The following ELMOD1 variants were observed in gnomAD, a reference collection of about 807,000 sequenced individuals.
ELMOD1 encodes the protein ELMO domain-containing protein 1.
ELMOD1 carries 21 observed loss-of-function variants against 46.7 expected under a neutral mutation model. The observed-to-expected ratio is 0.45, with a 90% confidence interval of 0.32 to 0.65. The LOEUF (loss-of-function observed/expected upper bound fraction) is 0.65, where lower values mean the gene tolerates loss of function less well. ELMOD1 is among the 30% of genes least tolerant of loss of function. The pLI, the probability that ELMOD1 is intolerant of heterozygous loss-of-function variation, is 0.04. For synonymous variants in ELMOD1, 122 were observed against 138.2 expected (o/e 0.88, Z 0.82); for missense variants, 348 against 407.8 (o/e 0.85, Z 1.26).
At chr11:107,607,756 T>A (rs1176771088) in intron 1 of ELMOD1, among the ~76,000 whole-genome samples, 2 of 152,218 alleles carry the variant, frequency 1.3e-5, no homozygotes, top group East Asian at 3.9e-4. Context: ...CAGCTTTGGA[T>A]CAATCTTATT....
chr11:107,597,864 C>G (rs1591096479), intron 1 of ELMOD1, among the ~76,000 whole-genome samples: 1 of 152,058 alleles, frequency 6.6e-6, no homozygotes, highest in Non-Finnish European at 1.5e-5. Context: ...AATTCTAGTT[C>G]AAAATGATGA....
At chr11:107,643,169 C>G (rs796069400) in intron 6 of ELMOD1, 1 of 179,436 alleles carries the variant, frequency 5.6e-6, no homozygotes, top group East Asian at 1.8e-4. Context: ...TGGTGAAACC[C>G]CATCCTGACC....
At chr11:107,646,854 CT>C (rs768141434) in intron 6 of ELMOD1, among the ~76,000 whole-genome samples, 2 of 150,868 alleles carry the variant, frequency 1.3e-5, no homozygotes, top group African/African-American at 2.4e-5. Context: ...AATAGGTGGT[CT>C]TGAAATTTTT....
chr11:107,665,295 G>C lies in ELMOD1; in HGVS notation c.*98G>C. 4.2e-6 allele frequency: 5 copies of C among 1,186,174 alleles called. No individual in the cohort carries two copies. The highest frequency in any genetic ancestry group is 6.0e-6 in the Non-Finnish European group (5 of 829,272). 73.5% of individuals were successfully genotyped at this position (1,186,174 alleles called of 1,614,324 possible). A position where few individuals can be genotyped will look rare whatever the true frequency, so the allele number is the denominator to read the frequency against. On this transcript the variant is annotated 3_prime_UTR_variant, in exon 12 of 12. Transcript: ENST00000265840. ...AGCTCACGCATTGAATGCACACAGT[G>C]ATTGTATGCATGCCTTTTGGTACAG... is the stretch of plus-strand genomic sequence containing the variant.
intron 2 of ELMOD1, 112 bp downstream of exon 2, chr11:107,618,318 A>AT (rs1865894481): frequency 8.2e-7 from 1 of 1,215,306 alleles, no homozygotes; most frequent in Non-Finnish European, 1.2e-6. Context: ...GACTCCTAAG[A>AT]TTCTGTGAAA....
At chr11:107,615,334 C>T (rs1018749152) in intron 1 of ELMOD1, among the ~76,000 whole-genome samples, 7 of 141,062 alleles carry the variant, frequency 5.0e-5, no homozygotes, top group African/African-American at 1.1e-4. Flanking sequence ...CTCCCGGGTT[C>T]AAGCGATTCT....
intron 6 of ELMOD1, among the ~76,000 whole-genome samples, chr11:107,640,815 T>G (rs573000326): frequency 1.3e-5 from 2 of 152,318 alleles, no homozygotes; most frequent in South Asian, 4.1e-4. Flanking sequence ...TTATTCAATC[T>G]GCATTTGAAT....
At position 107,665,168 on chromosome 11, in the gene ELMOD1, G is replaced by A. The variant is rs201378694; in HGVS notation, c.976G>A (p.Ala326Thr). Residue 326 changes from alanine (A) to threonine (T), a missense_variant, in exon 12 of 12, where the codon GCT becomes ACT. Ala to Thr is a moderately conservative substitution (Grantham distance 58). Transcript: ENST00000265840. ...AGACATGGCGCTGTGCCCACATTTT[G>A]CTGCCTCGGAAGGTTTAATCAACAT... The part of the protein sequence containing the change: ...NPDMALCPHF[A>T]ASEGLINM 3.4e-4 allele frequency: 552 copies of A among 1,613,938 alleles called. 1 individual carries two copies. Among genetic ancestry groups the A allele is most frequent in the Middle Eastern group, 3.3e-3 (20 of 6,062 alleles).
At chr11:107,654,396 TATG>T (rs1364615018) in intron 10 of ELMOD1, among the ~76,000 whole-genome samples, 174 bp downstream of exon 10, 3 of 152,380 alleles carry the variant, frequency 2.0e-5, no homozygotes, top group South Asian at 2.1e-4. Context: ...TGTATGGTTA[TATG>T]ATATTACTTT....
chr11:107,610,974 G>C lies in ELMOD1; in HGVS notation c.-85-7131G>C, dbSNP rs112539406. ...CTCAAGATGGATTAAAGATTTAAAT[G>C]TAAAACCTCAAACTGTAAGAATCCA... On this transcript the variant is annotated intron_variant, in intron 1 of 11. Coordinates refer to ENST00000265840, the MANE Select transcript of ELMOD1 (RefSeq NM_018712.4). 9.8e-3 allele frequency among the ~76,000 whole-genome samples: 715 copies of C among 73,248 alleles called. 6 individuals are homozygous for C. Among genetic ancestry groups the C allele is most frequent in the African/African-American group, 0.039 (691 of 17,700 alleles). The allele number at this position is 73,248 out of a possible 152,430, so 48.1% of individuals were successfully genotyped here.
At chr11:107,592,638 A>G in intron 1 of ELMOD1, 1 of 271,478 alleles carries the variant, frequency 3.7e-6, no homozygotes, top group Non-Finnish European at 7.5e-6. Flanking sequence ...CCAAAGGCAC[A>G]CTCTTGTATC....
At chr11:107,657,797 A>G (rs2135716208) in intron 11 of ELMOD1, among the ~76,000 whole-genome samples, 1 of 152,360 alleles carries the variant, frequency 6.6e-6, no homozygotes. Flanking sequence ...AGAACAGTGA[A>G]GGGAAAGCCC....
chr11:107,591,657 TGCAG>T (rs1865393872), intron 1 of ELMOD1: 7 of 364,118 alleles, frequency 1.9e-5, no homozygotes, highest in Non-Finnish European at 1.1e-5. Context: ...CCCGAGAGGC[TGCAG>T]GTCGGCGCGA....
At chr11:107,605,006 A>G (rs1397364110) in intron 1 of ELMOD1, among the ~76,000 whole-genome samples, 1 of 152,232 alleles carries the variant, frequency 6.6e-6, no homozygotes, top group African/African-American at 2.4e-5. Context: ...TATTGGCAAA[A>G]TTATGTCCAT....
intron 5 of ELMOD1, among the ~76,000 whole-genome samples, chr11:107,634,424 G>A (rs1020581890): frequency 2.0e-5 from 3 of 152,116 alleles, no homozygotes; most frequent in Admixed American, 1.3e-4. Flanking sequence ...CATTCGGAGA[G>A]GACTGAGAAC....
At chr11:107,631,285 A>G (rs911755391) in intron 4 of ELMOD1, among the ~76,000 whole-genome samples, 2 of 152,118 alleles carry the variant, frequency 1.3e-5, no homozygotes, top group Non-Finnish European at 2.9e-5. Context: ...TTGGGCGAGG[A>G]AATGAAAATA....
At chr11:107,637,603 G>T (rs988192827) in intron 6 of ELMOD1, among the ~76,000 whole-genome samples, 2 of 151,972 alleles carry the variant, frequency 1.3e-5, no homozygotes, top group Non-Finnish European at 2.9e-5. Context: ...TGAGGCAGGA[G>T]AATTGCTTGA....
At chr11:107,664,760 G>A (rs1297160324) in intron 11 of ELMOD1, among the ~76,000 whole-genome samples, 2 of 152,020 alleles carry the variant, frequency 1.3e-5, no homozygotes, top group African/African-American at 2.4e-5. Context: ...TCAAGAGATG[G>A]CAGAACTGAT....
chr11:107,621,286 A>G, intron 2 of ELMOD1, among the ~76,000 whole-genome samples: 1 of 152,218 alleles, frequency 6.6e-6, no homozygotes, highest in East Asian at 1.9e-4. Flanking sequence ...ATATCTGCCA[A>G]GCTCAAACCT....
Sources: allele counts gnomAD v4.1 joint callset (sites outside exome capture counted in the v4.1 genomes callset), GRCh38; gene constraint gnomAD v4.1.1; transcripts MANE v1.5; gene names NCBI Gene and HGNC (gene_info 2026-07-23, HGNC 2026-07-21).